Variants in ARHGAP42 observed in about 807,000 individuals in gnomAD.
ARHGAP42 encodes rho GTPase-activating protein 42.
A neutral mutation model predicts 125.0 loss-of-function variants in ARHGAP42; 63 were observed. The observed-to-expected ratio is 0.50, with a 90% CI of 0.41 to 0.62. The LOEUF is 0.62. Ranked by LOEUF, ARHGAP42 falls within the 20% of genes least tolerant of loss-of-function variation. The probability of loss-of-function intolerance (pLI) is 0.00; values close to 1 mark genes in which losing one functional copy is unlikely to be tolerated. For synonymous variants in ARHGAP42, 339 were observed against 351.0 expected, an observed-to-expected ratio of 0.97 and a Z score of 0.38; for missense variants, 766 against 1,024.2, an observed-to-expected ratio of 0.75 and a Z score of 3.44.
At chr11:100,857,951 C>T (rs984592471) in intron 3 of ARHGAP42, among the ~76,000 whole-genome samples, 1 of 152,082 alleles carries the variant, frequency 6.6e-6, no homozygotes, top group African/African-American at 2.4e-5. Context: ...AGTAAACATT[C>T]AATAAATAGT....
intron 3 of ARHGAP42, among the ~76,000 whole-genome samples, chr11:100,832,378 G>A (rs2135096109): frequency 6.6e-6 from 1 of 152,264 alleles, no homozygotes; most frequent in Middle Eastern, 3.4e-3. Context: ...TAAGTTTCTG[G>A]ATTAGCCAGA....
chr11:100,982,494 G>A (rs548972903), intron 22 of ARHGAP42, among the ~76,000 whole-genome samples: 1 of 152,164 alleles, frequency 6.6e-6, no homozygotes, highest in Non-Finnish European at 1.5e-5. Flanking sequence ...GCCCTAAGCA[G>A]ACATTGGTTA....
intron 11 of ARHGAP42, among the ~76,000 whole-genome samples, chr11:100,949,254 C>T (rs748151592): frequency 3.2e-4 from 48 of 152,000 alleles, no homozygotes; most frequent in Non-Finnish European, 5.7e-4. Flanking sequence ...TGAGACCCTC[C>T]CTCAAACTGT....
chr11:100,846,980 G>A (rs1865083124), intron 3 of ARHGAP42, among the ~76,000 whole-genome samples: 1 of 152,080 alleles, frequency 6.6e-6, no homozygotes, highest in Admixed American at 6.6e-5. Flanking sequence ...CTGAAGAAGA[G>A]ACCCAGAGCC....
chr11:100,923,883 G>A (rs993309272), intron 6 of ARHGAP42, among the ~76,000 whole-genome samples: 1 of 152,042 alleles, frequency 6.6e-6, no homozygotes, highest in African/African-American at 2.4e-5. Context: ...CCATGGAGTT[G>A]TACTTAATAT....
intron 2 of ARHGAP42, among the ~76,000 whole-genome samples, chr11:100,786,527 T>G (rs1340760746): frequency 6.6e-6 from 1 of 152,158 alleles, no homozygotes; most frequent in Non-Finnish European, 1.5e-5. Context: ...ACCATATATA[T>G]ATAAGCCTAG....
chr11:100,800,134 A>G (rs1237910413), intron 3 of ARHGAP42, among the ~76,000 whole-genome samples: 1 of 152,188 alleles, frequency 6.6e-6, no homozygotes, highest in Non-Finnish European at 1.5e-5. Context: ...CTGAACTGTA[A>G]ACAGTAAGCA....
At position 100,953,301 on chromosome 11, in the gene ARHGAP42, A is replaced by C. The variant is rs1416680658; in HGVS notation, c.1162+3345A>C. On this transcript the variant is annotated intron_variant, in intron 12 of 23. Transcript: ENST00000298815. ...TCCATAATTCAGATGGCTTCCACTT[A>C]TTCTAAAATACTCTTGTTGTCCTTT... Among the ~76,000 whole-genome samples the C allele has an allele frequency of 2.0e-5, 3 of 152,150 alleles. No individual in the cohort carries two copies. In the East Asian group the frequency reaches 5.8e-4, roughly 29 times the overall value.
intron 4 of ARHGAP42, among the ~76,000 whole-genome samples, chr11:100,888,481 G>T (rs1866146840): frequency 6.6e-6 from 1 of 152,120 alleles, no homozygotes. Context: ...ATATGTTTAT[G>T]TGTATATTCC....
intron 2 of ARHGAP42, among the ~76,000 whole-genome samples, chr11:100,779,215 G>C (rs975113557): frequency 2.0e-5 from 3 of 151,726 alleles, no homozygotes; most frequent in Non-Finnish European, 2.9e-5. Flanking sequence ...GGGAGGCCAA[G>C]GTGGGTGGAT....
chr11:100,950,617 C>T (rs538680336), intron 12 of ARHGAP42, among the ~76,000 whole-genome samples: 2 of 151,888 alleles, frequency 1.3e-5, no homozygotes, highest in East Asian at 3.9e-4. Context: ...ATATGTTTTT[C>T]ATCATGTTCT....
At chr11:100,984,139 G>GA (rs961037554) in intron 22 of ARHGAP42, among the ~76,000 whole-genome samples, 30 of 149,236 alleles carry the variant, frequency 2.0e-4, no homozygotes, top group East Asian at 5.9e-4. Context: ...GCAAAAGAAA[G>GA]AAAAAAAAAT....
At chr11:100,701,250 A>G (rs1861391787) in intron 1 of ARHGAP42, among the ~76,000 whole-genome samples, 1 of 152,020 alleles carries the variant, frequency 6.6e-6, no homozygotes, top group Non-Finnish European at 1.5e-5. Flanking sequence ...TCTAGTGCAC[A>G]GGAAGAGTGG....
intron 1 of ARHGAP42, among the ~76,000 whole-genome samples, chr11:100,706,366 G>A (rs1019278039): frequency 1.3e-5 from 2 of 152,210 alleles, no homozygotes; most frequent in African/African-American, 4.8e-5. Context: ...ACAGGAAGTT[G>A]TGTCAGACTA....
chr11:100,725,137 C>T (rs1478295838), intron 1 of ARHGAP42, among the ~76,000 whole-genome samples: 1 of 150,990 alleles, frequency 6.6e-6, no homozygotes, highest in Non-Finnish European at 1.5e-5. Context: ...TCTATTTGCT[C>T]CCTTATGCGC....
intron 1 of ARHGAP42, among the ~76,000 whole-genome samples, chr11:100,724,642 G>T (rs1350418671): frequency 3.3e-5 from 5 of 151,830 alleles, no homozygotes; most frequent in African/African-American, 1.2e-4. Context: ...TACCCAGGGG[G>T]ATTAGTAGTG....
At chr11:100,985,060 CTTTA>C (rs1300177371) in intron 22 of ARHGAP42, among the ~76,000 whole-genome samples, 2 of 152,116 alleles carry the variant, frequency 1.3e-5, no homozygotes, top group Non-Finnish European at 2.9e-5. Context: ...ATATGTATGT[CTTTA>C]TTTATTTAGC....
intron 2 of ARHGAP42, among the ~76,000 whole-genome samples, chr11:100,774,324 G>A (rs745862391): frequency 2.0e-5 from 3 of 152,192 alleles, no homozygotes; most frequent in Non-Finnish European, 4.4e-5. Flanking sequence ...TCAGTTCTAC[G>A]TGGGACGGTA....
intron 22 of ARHGAP42, chr11:100,985,968 C>A (rs1858668381): frequency 2.2e-6 from 1 of 450,744 alleles, no homozygotes. Flanking sequence ...AGGTATAGTG[C>A]TGGGACCCCA....
Sources: gnomAD v4.1 joint callset for allele counts (sites outside exome capture counted in the v4.1 genomes callset) on GRCh38, gnomAD v4.1.1 for gene constraint, MANE v1.5 for transcripts, NCBI Gene and HGNC (gene_info 2026-07-23, HGNC 2026-07-21) for gene names.